Variants in DLG1 observed in about 807,000 individuals in gnomAD.
DLG1 encodes disks large homolog 1.
A neutral mutation model predicts 123.4 loss-of-function variants in DLG1; 42 were observed. The observed-to-expected ratio is 0.34, with a 90% CI of 0.27 to 0.44. The LOEUF is 0.44. Among genes scored for constraint, DLG1 ranks in the 20% least tolerant of loss-of-function variants. DLG1 has a pLI of 1.00. For missense variants in DLG1, 942 were observed against 1,082.6 expected (o/e 0.87, Z 1.82); for synonymous variants, 317 against 356.2 (o/e 0.89, Z 1.24).
At chr3:197,181,343 A>G (rs929273428) in intron 5 of DLG1, among the ~76,000 whole-genome samples, 1 of 152,186 alleles carries the variant, frequency 6.6e-6, no homozygotes, top group Non-Finnish European at 1.5e-5. Context: ...AGTATTTTTG[A>G]CATCAGTGAA....
In DLG1 at chr3:197,075,746, A is replaced by T. The variant is rs577316205; in HGVS notation, c.2005+840T>A. On this transcript the variant is annotated intron_variant, in intron 18 of 24. Coordinates refer to ENST00000667157, the MANE Select transcript of DLG1 (RefSeq NM_001366207.1). Reference sequence around the variant, plus strand: ...AATCATACACCTCCTTATGCCAGAAAGGCACTACCATGAATCTCAAAATGT... The same window carrying T: ...AATCATACACCTCCTTATGCCAGAATGGCACTACCATGAATCTCAAAATGT... The T allele has an allele frequency of 1.1e-5, 12 of 1,116,510 alleles. No individual in the cohort carries two copies. The East Asian group carries it at 2.9e-4, about 27-fold the overall frequency. The allele number at this position is 1,116,510 out of a possible 1,614,324, so 69.2% of individuals were successfully genotyped here.
At chr3:197,143,133 A>G (rs1461640849) in intron 6 of DLG1, among the ~76,000 whole-genome samples, 1 of 152,176 alleles carries the variant, frequency 6.6e-6, no homozygotes, top group African/African-American at 2.4e-5. Context: ...CTCATTTCTA[A>G]TACCTTTGTT....
At chr3:197,158,814 T>A (rs1797594206) in intron 5 of DLG1, among the ~76,000 whole-genome samples, 1 of 152,076 alleles carries the variant, frequency 6.6e-6, no homozygotes, top group African/African-American at 2.4e-5. Flanking sequence ...AAGCACATAT[T>A]CAAATATCAA....
chr3:197,183,125 T>C (rs888953596), intron 5 of DLG1, among the ~76,000 whole-genome samples: 2 of 152,216 alleles, frequency 1.3e-5, no homozygotes, highest in African/African-American at 4.8e-5. Flanking sequence ...TGAATCTATT[T>C]TCAAAACACT....
chr3:197,145,065 A>T (rs1220128517), intron 6 of DLG1, among the ~76,000 whole-genome samples: 3 of 151,860 alleles, frequency 2.0e-5, no homozygotes, highest in African/African-American at 2.4e-5. Context: ...TCACACACAC[A>T]CACACACACA....
intron 5 of DLG1, among the ~76,000 whole-genome samples, chr3:197,186,346 C>G (rs1384589672): frequency 6.6e-6 from 1 of 152,090 alleles, no homozygotes; most frequent in Non-Finnish European, 1.5e-5. Flanking sequence ...TAAAGAAAAA[C>G]CTGGAAAACC....
At chr3:197,080,833 C>A in intron 17 of DLG1, 1 of 386,544 alleles carries the variant, frequency 2.6e-6, no homozygotes, top group South Asian at 5.4e-5. Context: ...TAAGCTTGAC[C>A]CAAAAGTATG....
intron 23 of DLG1, among the ~76,000 whole-genome samples, chr3:197,052,774 T>C (rs1033598484): frequency 6.6e-6 from 1 of 152,114 alleles, no homozygotes; most frequent in African/African-American, 2.4e-5. Context: ...CTGGTTTCTA[T>C]CACAAATAAA....
At chr3:197,175,917 T>G (rs546196986) in intron 5 of DLG1, among the ~76,000 whole-genome samples, 3 of 152,284 alleles carry the variant, frequency 2.0e-5, no homozygotes, top group African/African-American at 7.2e-5. Flanking sequence ...TTCAGTCACT[T>G]TTCAGCACTG....
intron 19 of DLG1, among the ~76,000 whole-genome samples, chr3:197,067,556 T>TTG (rs2148901779): frequency 1.2e-5 from 1 of 80,282 alleles, no homozygotes; most frequent in African/African-American, 3.6e-5. Context: ...TGAGAGTTTT[T>TTG]TTTTTTTTTT....
chr3:197,267,660 ATT>A (rs1762270918), intron 4 of DLG1, among the ~76,000 whole-genome samples: 1 of 152,038 alleles, frequency 6.6e-6, no homozygotes, highest in African/African-American at 2.4e-5. Context: ...CTTAAAAAAA[ATT>A]ATCTAACTAC....
chr3:197,187,694 A>C (rs1355204501), intron 5 of DLG1, among the ~76,000 whole-genome samples: 1 of 152,076 alleles, frequency 6.6e-6, no homozygotes, highest in African/African-American at 2.4e-5. Flanking sequence ...GTACATTTCA[A>C]ACTTTTTGGG....
intron 24 of DLG1, among the ~76,000 whole-genome samples, chr3:197,046,661 TG>T (rs1003653837): frequency 2.0e-5 from 3 of 152,140 alleles, no homozygotes; most frequent in Admixed American, 6.5e-5. Context: ...GCGGATTGGA[TG>T]AGTTTGAGAC....
At chr3:197,193,551 TGTA>T (rs1265577021) in intron 5 of DLG1, among the ~76,000 whole-genome samples, 1 of 152,122 alleles carries the variant, frequency 6.6e-6, no homozygotes, top group Admixed American at 6.5e-5. Context: ...TAAAATAAAT[TGTA>T]GTATATTCAT....
At chr3:197,054,994 TA>T (rs1423565258) in intron 23 of DLG1, among the ~76,000 whole-genome samples, 1 of 152,158 alleles carries the variant, frequency 6.6e-6, no homozygotes, top group Non-Finnish European at 1.5e-5. Context: ...TTTGTATTTT[TA>T]GTAGAGATGG....
At chr3:197,194,962 T>C (rs1283805799) in intron 4 of DLG1, among the ~76,000 whole-genome samples, 2 of 152,132 alleles carry the variant, frequency 1.3e-5, no homozygotes, top group Non-Finnish European at 2.9e-5. Context: ...TACACAAATT[T>C]TTTAAAAGTC....
At chr3:197,173,529 C>G (rs1805358410) in intron 5 of DLG1, among the ~76,000 whole-genome samples, 1 of 152,114 alleles carries the variant, frequency 6.6e-6, no homozygotes, top group Non-Finnish European at 1.5e-5. Flanking sequence ...GGTACACTTA[C>G]CCAGTACTCT....
At chr3:197,180,688 G>A (rs1295191436) in intron 5 of DLG1, among the ~76,000 whole-genome samples, 1 of 152,176 alleles carries the variant, frequency 6.6e-6, no homozygotes, top group Non-Finnish European at 1.5e-5. Flanking sequence ...AAGGGGTGAG[G>A]AAATCAGGGG....
At chr3:197,257,984 A>G (rs1757595614) in intron 4 of DLG1, among the ~76,000 whole-genome samples, 1 of 152,178 alleles carries the variant, frequency 6.6e-6, no homozygotes, top group African/African-American at 2.4e-5. Flanking sequence ...AAACACAAAA[A>G]TAAATCTCTC....
Sources: gnomAD v4.1 joint callset for allele counts (sites outside exome capture counted in the v4.1 genomes callset) on GRCh38, gnomAD v4.1.1 for gene constraint, MANE v1.5 for transcripts, NCBI Gene and HGNC (gene_info 2026-07-23, HGNC 2026-07-21) for gene names.